The following ARHGAP20 variants were observed in gnomAD, a reference collection of about 807,000 sequenced individuals.
ARHGAP20 encodes rho GTPase-activating protein 20.
A neutral mutation model predicts 73.7 loss-of-function variants in ARHGAP20; 34 were observed. That is an observed-to-expected ratio of 0.46 (90% confidence interval 0.35 to 0.61). The LOEUF (loss-of-function observed/expected upper bound fraction) is 0.61. ARHGAP20 is among the 20% of genes least tolerant of loss of function. The probability of loss-of-function intolerance (pLI) is 0.00; values close to 1 mark genes in which losing one functional copy is unlikely to be tolerated. For synonymous variants in ARHGAP20, 523 were observed against 518.2 expected (o/e 1.01, Z -0.13); for missense variants, 1,314 against 1,420.9 (o/e 0.92, Z 1.21).
intron 2 of ARHGAP20, among the ~76,000 whole-genome samples, chr11:110,641,948 G>A (rs1189011520): frequency 6.6e-6 from 1 of 151,938 alleles, no homozygotes; most frequent in Non-Finnish European, 1.5e-5. Context: ...CACTGTATGT[G>A]GTTCTGTTAG....
At chr11:110,592,206 T>A in intron 9 of ARHGAP20, 51 bp from the exon 10 acceptor site, 1 of 1,514,830 alleles carries the variant, frequency 6.6e-7, no homozygotes, top group Non-Finnish European at 9.0e-7. Context: ...CACTTAATCT[T>A]ATTTCTATAA....
chr11:110,629,183 T>C (rs925583903), intron 3 of ARHGAP20, among the ~76,000 whole-genome samples: 2 of 152,152 alleles, frequency 1.3e-5, no homozygotes, highest in Non-Finnish European at 2.9e-5. Flanking sequence ...CAGGCTGAGG[T>C]ATACATCTAA....
chr11:110,673,471 A>T (rs2135073797), intron 2 of ARHGAP20, among the ~76,000 whole-genome samples: 1 of 152,336 alleles, frequency 6.6e-6, no homozygotes, highest in Admixed American at 6.5e-5. Flanking sequence ...CCATAAACTT[A>T]GGTATCTACA....
intron 1 of ARHGAP20, among the ~76,000 whole-genome samples, chr11:110,701,239 C>T (rs1199035672): frequency 6.6e-6 from 1 of 151,606 alleles, no homozygotes; most frequent in Non-Finnish European, 1.5e-5. Context: ...ACATCCTATC[C>T]AGCACCTGTT....
intron 9 of ARHGAP20, among the ~76,000 whole-genome samples, chr11:110,597,409 G>T (rs1330230342): frequency 6.6e-6 from 1 of 151,928 alleles, no homozygotes; most frequent in African/African-American, 2.4e-5. Flanking sequence ...ATGTGAATAT[G>T]TATTTAATAT....
At chr11:110,606,805 T>C in intron 8 of ARHGAP20, 56 bp from the exon 9 acceptor site, 1 of 1,401,956 alleles carries the variant, frequency 7.1e-7, no homozygotes, top group African/African-American at 1.5e-5. Flanking sequence ...TGTTAGCATG[T>C]GTACTGCAAA....
intron 2 of ARHGAP20, among the ~76,000 whole-genome samples, chr11:110,663,877 C>A (rs1017394953): frequency 1.3e-5 from 2 of 152,048 alleles, no homozygotes; most frequent in African/African-American, 4.8e-5. Flanking sequence ...CTGAATACAA[C>A]AATATATGAA....
chr11:110,604,624 T>G (rs539844228), intron 9 of ARHGAP20, among the ~76,000 whole-genome samples: 1 of 152,266 alleles, frequency 6.6e-6, no homozygotes, highest in South Asian at 2.1e-4. Flanking sequence ...GAGCTCACAT[T>G]TTAGTGGATG....
intron 4 of ARHGAP20, 61 bp downstream of exon 4, chr11:110,624,101 A>C: frequency 6.5e-7 from 1 of 1,545,460 alleles, no homozygotes. Context: ...TTAAAATTTC[A>C]ATCCTAGAAA....
In ARHGAP20 at chr11:110,610,430, T is replaced by A. The variant is rs558003545; in HGVS notation, c.708+879A>T. 3.9e-3 allele frequency among the ~76,000 whole-genome samples: 592 copies of A among 152,272 alleles called. 8 individuals are homozygous for A. The highest frequency in any genetic ancestry group is 0.013 in the African/African-American group (522 of 41,576). On this transcript the variant is annotated intron_variant, in intron 7 of 14. Transcript: ENST00000683387. ...CATAGTATTCTACAATATTATTAAT[T>A]GTATTTAGCTTTGCTTATATACAGT...
intron 2 of ARHGAP20, among the ~76,000 whole-genome samples, chr11:110,663,909 A>C (rs1229413164): frequency 6.6e-6 from 1 of 152,208 alleles, no homozygotes; most frequent in African/African-American, 2.4e-5. Flanking sequence ...ATCATGACCA[A>C]GTGAAGTTTA....
intron 6 of ARHGAP20, among the ~76,000 whole-genome samples, 170 bp downstream of exon 6, chr11:110,614,391 T>G (rs1007502242): frequency 1.3e-5 from 2 of 152,180 alleles, no homozygotes; most frequent in Non-Finnish European, 2.9e-5. Context: ...TATGAAGACA[T>G]ACATATAACC....
intron 1 of ARHGAP20, among the ~76,000 whole-genome samples, chr11:110,695,435 A>G (rs78381598): frequency 0.031 from 4,641 of 151,744 alleles, 237 homozygotes; most frequent in African/African-American, 0.11. Flanking sequence ...TGCAAATCAT[A>G]TATCTGACAA....
At chr11:110,584,644 T>C (rs1947572878) in intron 12 of ARHGAP20, among the ~76,000 whole-genome samples, 1 of 152,028 alleles carries the variant, frequency 6.6e-6, no homozygotes, top group Admixed American at 6.6e-5. Flanking sequence ...TCTGCTTCTA[T>C]GGGGCCCTAA....
chr11:110,686,203 T>C (rs185530599), intron 2 of ARHGAP20, among the ~76,000 whole-genome samples: 18 of 152,284 alleles, frequency 1.2e-4, no homozygotes, highest in Admixed American at 9.2e-4. Context: ...ATCTGATTTA[T>C]GTAACTTTTC....
At chr11:110,712,072 C>G (rs961281461) in intron 1 of ARHGAP20, 55 bp downstream of exon 1, 9 of 1,252,742 alleles carry the variant, frequency 7.2e-6, no homozygotes. Context: ...AGGGCGCGCG[C>G]CGGCAGTGGG....
intron 1 of ARHGAP20, 195 bp from the exon 2 acceptor site, chr11:110,690,824 A>T: frequency 2.3e-6 from 2 of 874,024 alleles, no homozygotes; most frequent in Non-Finnish European, 3.4e-6. Flanking sequence ...AGTAAGTGTC[A>T]AAAAGTGGTA....
At chr11:110,668,355 A>G (rs1042229076) in intron 2 of ARHGAP20, among the ~76,000 whole-genome samples, 2 of 152,344 alleles carry the variant, frequency 1.3e-5, no homozygotes, top group South Asian at 4.1e-4. Context: ...TGTTTTTTAA[A>G]GTTATAATGC....
At chr11:110,683,469 C>T (rs1234403343) in intron 2 of ARHGAP20, among the ~76,000 whole-genome samples, 1 of 152,076 alleles carries the variant, frequency 6.6e-6, no homozygotes, top group Middle Eastern at 3.2e-3. Context: ...TATTAAATTC[C>T]TCTTTTGGTT....
Sources: allele counts gnomAD v4.1 joint callset (sites outside exome capture counted in the v4.1 genomes callset), GRCh38; gene constraint gnomAD v4.1.1; transcripts MANE v1.5; gene names NCBI Gene and HGNC (gene_info 2026-07-23, HGNC 2026-07-21).